HHLA1: variants seen among roughly 807,000 people sequenced by gnomAD.
HHLA1 encodes HERV-H LTR-associating protein 1.
Under a neutral mutation model 69.9 loss-of-function variants are expected in HHLA1, and 72 were observed. The observed-to-expected ratio is 1.03, with a 90% CI of 0.85 to 1.25. The LOEUF (loss-of-function observed/expected upper bound fraction) is 1.25. Ranked by LOEUF, HHLA1 falls within the 50% of genes most tolerant of loss-of-function variation. The probability of loss-of-function intolerance (pLI) is 0.00; values close to 1 mark genes in which losing one functional copy is unlikely to be tolerated. For synonymous variants in HHLA1, 252 were observed against 233.2 expected, an observed-to-expected ratio of 1.08 and a Z score of -0.73; for missense variants, 685 against 642.2, an observed-to-expected ratio of 1.07 and a Z score of -0.72.
At chr8:132,070,482 A>G in intron 15 of HHLA1, 1 of 662,602 alleles carries the variant, frequency 1.5e-6, no homozygotes, top group South Asian at 1.6e-5. Context: ...CTCTGCCATG[A>G]TCCTCTGCCA....
intron 14 of HHLA1, among the ~76,000 whole-genome samples, chr8:132,073,974 G>A (rs1823592141): frequency 6.6e-6 from 1 of 152,068 alleles, no homozygotes; most frequent in Non-Finnish European, 1.5e-5. Flanking sequence ...TCCCCATTCT[G>A]CAGTCAGAGG....
chr8:132,095,277 C>G lies in HHLA1; in HGVS notation c.448+242G>C, dbSNP rs532856422. Among the ~76,000 whole-genome samples the G allele has an allele frequency of 1.7e-4, 26 of 152,276 alleles. No individual in the cohort carries two copies. The South Asian group carries it at 5.2e-3, about 30-fold the overall frequency. On this transcript the variant is annotated intron_variant, in intron 7 of 16. Coordinates refer to ENST00000414222, the MANE Select transcript of HHLA1 (RefSeq NM_001145095.3). ...GTGGGAGACTACTTAACCATTTTCCCTCATGATGGATATTTAGGTTGTTCC... is the reference window on the plus strand; with the variant it reads ...GTGGGAGACTACTTAACCATTTTCCGTCATGATGGATATTTAGGTTGTTCC...
chr8:132,093,493 G>A (rs549836363), intron 7 of HHLA1, among the ~76,000 whole-genome samples: 68 of 152,244 alleles, frequency 4.5e-4, no homozygotes, highest in African/African-American at 1.5e-3. Context: ...CACCTTCCCC[G>A]AAGGTGTTGA....
At chr8:132,065,236 T>C (rs28676593) in intron 16 of HHLA1, among the ~76,000 whole-genome samples, 2,140 of 152,352 alleles carry the variant, frequency 0.014, 45 homozygotes, top group African/African-American at 0.046. Context: ...CGGTGCCTTC[T>C]TTTGCATGAA....
chr8:132,081,839 G>A lies in HHLA1; in HGVS notation c.677-1873C>T, dbSNP rs914482638. On this transcript the variant is annotated intron_variant, in intron 10 of 16. Coordinates refer to ENST00000414222, the MANE Select transcript of HHLA1 (RefSeq NM_001145095.3). Reference sequence around the variant, plus strand: ...TGAGGAGTAGTAGAATAGCAGATGGGACACTGAGAAGTTATTTCCTTGAGG... The same window carrying A: ...TGAGGAGTAGTAGAATAGCAGATGGAACACTGAGAAGTTATTTCCTTGAGG... Among the ~76,000 whole-genome samples, 10 of 152,246 alleles carry A rather than the reference G, an allele frequency of 6.6e-5. No individual in the cohort carries two copies. In the East Asian group the frequency reaches 1.4e-3, roughly 21 times the overall value.
In HHLA1 at chr8:132,104,268, C is replaced by G. The variant is rs1289974530; in HGVS notation, c.80-101G>C. 12 of 798,062 alleles carry G rather than the reference C, an allele frequency of 1.5e-5. No individual in the cohort carries two copies. The East Asian group carries it at 3.2e-4, about 22-fold the overall frequency. 49.4% of individuals were successfully genotyped at this position (798,062 alleles called of 1,614,324 possible). On this transcript the variant is annotated intron_variant, in intron 2 of 16. Coordinates refer to ENST00000414222, the MANE Select transcript of HHLA1 (RefSeq NM_001145095.3). ...ATTTTACAGATGAGAGAATTATGAT[C>G]TGGGGTTGTGAAGTGACATTTAGTC...
At chr8:132,078,720 G>T (rs946612887) in intron 11 of HHLA1, among the ~76,000 whole-genome samples, 1 of 152,160 alleles carries the variant, frequency 6.6e-6, no homozygotes, top group Non-Finnish European at 1.5e-5. Context: ...AGGTCTGAGA[G>T]CTCAGGAAAG....
Position 132,062,004 on chromosome 8 carries a change from T to G in HHLA1, c.*1991A>C, listed in dbSNP as rs1484124520. 2.0e-5 allele frequency: 3 copies of G among 152,224 alleles called. No individual in the cohort carries two copies. The highest frequency in any genetic ancestry group is 3.2e-3 in the Middle Eastern group (1 of 316). 9.4% of individuals were successfully genotyped at this position (152,224 alleles called of 1,614,324 possible). On this transcript the variant is annotated 3_prime_UTR_variant, in exon 17 of 17. Transcript: ENST00000414222. ...TTTCCCCACAAGTGAATAGCCCCAG[T>G]CTTGGGCCCAAGCCATCCATCCATT...
At chr8:132,066,089 A>C in intron 15 of HHLA1, 121 bp from the exon 16 acceptor site, 1 of 405,588 alleles carries the variant, frequency 2.5e-6, no homozygotes, top group South Asian at 1.9e-5. Flanking sequence ...CACAGCAAGG[A>C]ACCCTCTGCC....
chr8:132,106,794 G>T (rs1167929289), intron 1 of HHLA1, among the ~76,000 whole-genome samples: 3 of 152,250 alleles, frequency 2.0e-5, no homozygotes, highest in Non-Finnish European at 2.9e-5. Flanking sequence ...GAGAGAGAGA[G>T]TGAGCACCTG....
intron 15 of HHLA1, among the ~76,000 whole-genome samples, chr8:132,068,302 T>A: frequency 6.6e-6 from 1 of 152,322 alleles, no homozygotes; most frequent in East Asian, 1.9e-4. Context: ...TCAGGATGAA[T>A]GAGAATCTTG....
intron 10 of HHLA1, among the ~76,000 whole-genome samples, chr8:132,083,448 T>G (rs950186862): frequency 1.3e-5 from 2 of 151,820 alleles, no homozygotes; most frequent in Non-Finnish European, 2.9e-5. Context: ...ACCCGAAGCT[T>G]GGCGTCCGTG....
At chr8:132,080,057 G>A (rs1823720787) in intron 10 of HHLA1, 91 bp from the exon 11 acceptor site, 3 of 1,453,344 alleles carry the variant, frequency 2.1e-6, no homozygotes, top group African/African-American at 2.8e-5. Context: ...ATATATGAAT[G>A]TGGAGATTCA....
At chr8:132,083,207 C>A (rs1823791201) in intron 10 of HHLA1, among the ~76,000 whole-genome samples, 1 of 151,938 alleles carries the variant, frequency 6.6e-6, no homozygotes. Context: ...AGTATCTCAG[C>A]CTAATAAGGG....
rs1823389904 is a variant in HHLA1 at position 132,063,690 on chromosome 8, A to G, written c.*305T>C. On this transcript the variant is annotated 3_prime_UTR_variant, in exon 17 of 17. Transcript: ENST00000414222. ...GTTTTTAAATTGTCAGGATTGCCTC[A>G]AGCATTGTAGGAGTTTCTTGAGCAT... The G allele has an allele frequency of 1.2e-5, 2 of 167,304 alleles. No homozygotes were observed. Among genetic ancestry groups the G allele is most frequent in the Admixed American group, 5.9e-5 (1 of 16,952 alleles). The allele number at this position is 167,304 out of a possible 1,614,324, so 10.4% of individuals were successfully genotyped here. A position where few individuals can be genotyped will look rare whatever the true frequency, so the allele number is the denominator to read the frequency against.
intron 3 of HHLA1, chr8:132,101,368 G>A (rs1313538410): frequency 1.4e-6 from 2 of 1,443,506 alleles, no homozygotes; most frequent in African/African-American, 1.4e-5. Flanking sequence ...CCAACACTTT[G>A]AAGAATGGAT....
Position 132,087,906 on chromosome 8 carries a change from A to G in HHLA1, c.533-5T>C. The G allele has an allele frequency of 6.5e-7, 1 of 1,549,226 alleles. No individual in the cohort carries two copies. The highest frequency in any genetic ancestry group is 8.7e-7 in the Non-Finnish European group (1 of 1,144,634). On this transcript the variant is annotated splice_region_variant and splice_polypyrimidine_tract_variant and intron_variant, in intron 8 of 16. Transcript: ENST00000414222. ...CTGATTCATTGCTTTGATTCACTGTAAGACAAACGAGTATACAATAAGACT... is the reference window on the plus strand; with the variant it reads ...CTGATTCATTGCTTTGATTCACTGTGAGACAAACGAGTATACAATAAGACT...
Position 132,079,745 on chromosome 8 carries a change from T to G in HHLA1, c.898A>C (p.Ser300Arg). The change falls in exon 11 of 17, where the codon AGT (serine) becomes CGT (arginine). Residue 300 changes from serine to arginine, a missense_variant. By Grantham distance (110) the Ser-to-Arg change is moderately radical. Transcript: ENST00000414222. ...AAGGCTGGGAGAGTGTGGGAGGCAC[T>G]GAACCATGTGGCTGTGGCCCTGGCT... The part of the protein sequence containing the change: ...LPARATATWF[S>R]ASHTLPALAT... 6.4e-7 allele frequency: 1 copy of G among 1,551,294 alleles called. No individual in the cohort carries two copies. The highest frequency in any genetic ancestry group is 8.7e-7 in the Non-Finnish European group (1 of 1,146,784).
intron 15 of HHLA1, among the ~76,000 whole-genome samples, chr8:132,070,668 C>G (rs1586723694): frequency 6.6e-6 from 1 of 151,940 alleles, no homozygotes; most frequent in South Asian, 2.1e-4. Context: ...CATCTCATCA[C>G]GGCTAAACTC....
Sources: gnomAD v4.1 joint callset for allele counts (sites outside exome capture counted in the v4.1 genomes callset) on GRCh38, gnomAD v4.1.1 for gene constraint, MANE v1.5 for transcripts, NCBI Gene and HGNC (gene_info 2026-07-23, HGNC 2026-07-21) for gene names.